The following ATP2B1 variants were observed in gnomAD, a reference collection of about 807,000 sequenced individuals.
ATP2B1 encodes plasma membrane calcium-transporting ATPase 1.
In ATP2B1, 14 loss-of-function variants were observed where a neutral mutation model predicts 124.2. That is an observed-to-expected ratio of 0.11 (90% CI 0.07 to 0.18). The LOEUF (loss-of-function observed/expected upper bound fraction) is 0.18. Ranked by LOEUF, ATP2B1 falls within the 10% of genes least tolerant of loss-of-function variation. ATP2B1 has a pLI of 1.00. For missense variants in ATP2B1, 763 were observed against 1,466.1 expected (o/e 0.52, Z 7.83); for synonymous variants, 449 against 492.4 (o/e 0.91, Z 1.17).
chr12:89,682,515 T>C (rs987173111), intron 1 of ATP2B1, among the ~76,000 whole-genome samples: 2 of 152,128 alleles, frequency 1.3e-5, no homozygotes, highest in Non-Finnish European at 2.9e-5. Flanking sequence ...AAAAGACCAA[T>C]GGACTGAAAT....
At position 89,611,129 on chromosome 12, in the gene ATP2B1, T is replaced by C. The variant is rs1033550837; in HGVS notation, c.2247+64A>G. 38 of 1,422,226 alleles carry C rather than the reference T, an allele frequency of 2.7e-5. 2 individuals are homozygous for C. In the South Asian group the frequency reaches 5.1e-4, roughly 19 times the overall value. The allele number at this position is 1,422,226 out of a possible 1,614,324, so 88.1% of individuals were successfully genotyped here. ...CAGTGCATATTCAATATGTGTTTGT[T>C]GAGTTAAATTCCTAATATATTAAAC... On this transcript the variant is annotated intron_variant, in intron 13 of 20. Coordinates refer to ENST00000428670, the MANE Select transcript of ATP2B1 (RefSeq NM_001366521.1).
intron 1 of ATP2B1, among the ~76,000 whole-genome samples, chr12:89,675,440 T>G (rs1172900363): frequency 1.3e-5 from 2 of 152,192 alleles, no homozygotes; most frequent in Non-Finnish European, 2.9e-5. Context: ...GAAAGCAGAA[T>G]TACTGTAGTT....
At chr12:89,651,987 T>C (rs1885313562) in intron 2 of ATP2B1, among the ~76,000 whole-genome samples, 2 of 152,218 alleles carry the variant, frequency 1.3e-5, no homozygotes, top group Non-Finnish European at 2.9e-5. Context: ...GTGGTTTTGC[T>C]TAAGAAATGT....
chr12:89,670,959 A>AG (rs1887895197), intron 1 of ATP2B1, among the ~76,000 whole-genome samples: 1 of 150,866 alleles, frequency 6.6e-6, no homozygotes, highest in Non-Finnish European at 1.5e-5. Context: ...CATTAAAAAA[A>AG]AAAAAAAGGG....
intron 1 of ATP2B1, among the ~76,000 whole-genome samples, chr12:89,684,699 C>G (rs1296360172): frequency 6.6e-6 from 1 of 152,042 alleles, no homozygotes; most frequent in Non-Finnish European, 1.5e-5. Context: ...TAATGCAGAG[C>G]TTTATGTTTA....
intron 1 of ATP2B1, among the ~76,000 whole-genome samples, chr12:89,699,957 A>T (rs1048130395): frequency 4.7e-5 from 7 of 150,422 alleles, no homozygotes; most frequent in African/African-American, 1.7e-4. Context: ...CGATCCTCCT[A>T]CCTCAGCCTC....
At chr12:89,646,644 A>G (rs1287779332) in intron 2 of ATP2B1, among the ~76,000 whole-genome samples, 1 of 152,230 alleles carries the variant, frequency 6.6e-6, no homozygotes, top group African/African-American at 2.4e-5. Flanking sequence ...TTCACTAGAT[A>G]GAGGCTGATG....
chr12:89,701,261 G>C (rs1891820669), intron 1 of ATP2B1, among the ~76,000 whole-genome samples: 1 of 152,072 alleles, frequency 6.6e-6, no homozygotes, highest in Non-Finnish European at 1.5e-5. Context: ...TCAAAACTCA[G>C]CATTACTCCA....
intron 14 of ATP2B1, among the ~76,000 whole-genome samples, 168 bp from the exon 15 acceptor site, chr12:89,610,211 G>A (rs1386303275): frequency 1.3e-5 from 2 of 151,944 alleles, no homozygotes; most frequent in Non-Finnish European, 2.9e-5. Flanking sequence ...AGAAACTATG[G>A]GTATATTCAG....
intron 15 of ATP2B1, among the ~76,000 whole-genome samples, chr12:89,604,891 T>C (rs1255431775): frequency 7.0e-6 from 1 of 143,338 alleles, no homozygotes; most frequent in African/African-American, 2.5e-5. Context: ...CAGATTTACG[T>C]GGCACTGGAA....
At chr12:89,698,726 C>G (rs185451733) in intron 1 of ATP2B1, among the ~76,000 whole-genome samples, 23 of 152,264 alleles carry the variant, frequency 1.5e-4, no homozygotes, top group African/African-American at 4.6e-4. Flanking sequence ...GTAGGGTGAG[C>G]TGACTGGGAC....
chr12:89,606,822 C>T (rs1395981136), intron 15 of ATP2B1, among the ~76,000 whole-genome samples: 4 of 151,946 alleles, frequency 2.6e-5, no homozygotes, highest in Non-Finnish European at 5.9e-5. Flanking sequence ...GAGATCCACC[C>T]GCCTCGGCCT....
At chr12:89,627,317 T>G (rs1363584080) in intron 7 of ATP2B1, among the ~76,000 whole-genome samples, 1 of 151,284 alleles carries the variant, frequency 6.6e-6, no homozygotes, top group African/African-American at 2.4e-5. Context: ...TATATGGCAA[T>G]GTATAAATAA....
At chr12:89,627,283 C>T (rs1337482282) in intron 7 of ATP2B1, among the ~76,000 whole-genome samples, 1 of 151,748 alleles carries the variant, frequency 6.6e-6, no homozygotes, top group African/African-American at 2.4e-5. Flanking sequence ...TACAAAATTA[C>T]CATCAGGCAA....
intron 2 of ATP2B1, among the ~76,000 whole-genome samples, chr12:89,649,290 G>GTA (rs1884928549): frequency 6.6e-6 from 1 of 152,218 alleles, no homozygotes; most frequent in African/African-American, 2.4e-5. Context: ...GTAGCCACAG[G>GTA]GGCTGCACCT....
chr12:89,648,640 G>A (rs981536225), intron 2 of ATP2B1, among the ~76,000 whole-genome samples: 5 of 152,206 alleles, frequency 3.3e-5, no homozygotes, highest in Admixed American at 3.3e-4. Flanking sequence ...GAAAACAAGT[G>A]GGCTGTGGTG....
intron 1 of ATP2B1, among the ~76,000 whole-genome samples, chr12:89,676,517 C>G (rs150368706): frequency 6.6e-6 from 1 of 152,066 alleles, no homozygotes; most frequent in Non-Finnish European, 1.5e-5. Context: ...ATCTCCACCT[C>G]CTGGTAGCTG....
intron 1 of ATP2B1, among the ~76,000 whole-genome samples, chr12:89,664,135 G>A (rs905737684): frequency 8.6e-5 from 13 of 152,000 alleles, no homozygotes; most frequent in Non-Finnish European, 1.5e-5. Context: ...GTGTAAAAAA[G>A]AAAAAACCAC....
At position 89,634,987 on chromosome 12, in the gene ATP2B1, A is replaced by C; in HGVS notation, c.661+10T>G. ...TAGTGTCAGATGTACTGCTCTTTTT[A>C]CTTACTTACCATATTTCACTTGAGC... On this transcript the variant is annotated intron_variant, in intron 4 of 20. Coordinates refer to ENST00000428670, the MANE Select transcript of ATP2B1 (RefSeq NM_001366521.1). 6.2e-7 allele frequency: 1 copy of C among 1,613,306 alleles called. No individual in the cohort carries two copies. The highest frequency in any genetic ancestry group is 8.5e-7 in the Non-Finnish European group (1 of 1,179,444).
Sources: gnomAD v4.1 joint callset for allele counts (sites outside exome capture counted in the v4.1 genomes callset) on GRCh38, gnomAD v4.1.1 for gene constraint, MANE v1.5 for transcripts, NCBI Gene and HGNC (gene_info 2026-07-23, HGNC 2026-07-21) for gene names.